TMTC2: variants seen among roughly 807,000 people sequenced by gnomAD.
TMTC2 encodes protein O-mannosyl-transferase TMTC2.
In TMTC2, 43 loss-of-function variants were observed where a neutral mutation model predicts 82.4. That is an observed-to-expected ratio of 0.52 (90% confidence interval 0.41 to 0.67). TMTC2 has a LOEUF of 0.67. Among genes scored for constraint, TMTC2 ranks in the 30% least tolerant of loss-of-function variants. The pLI is 0.00. For missense variants in TMTC2, 919 were observed against 1,012.4 expected (o/e 0.91, Z 1.25); for synonymous variants, 408 against 381.9 (o/e 1.07, Z -0.80).
chr12:82,985,251 C>T (rs1262329137), intron 7 of TMTC2, among the ~76,000 whole-genome samples: 4 of 151,922 alleles, frequency 2.6e-5, no homozygotes, highest in African/African-American at 9.7e-5. Flanking sequence ...GGAGTTTCAC[C>T]ATGTTGCCCA....
intron 11 of TMTC2, among the ~76,000 whole-genome samples, chr12:83,103,225 G>A (rs374856800): frequency 1.3e-5 from 2 of 152,302 alleles, no homozygotes; most frequent in African/African-American, 4.8e-5. Flanking sequence ...ATAACTTTGT[G>A]CCTGCACCAG....
chr12:82,742,007 A>G (rs1320026035), intron 1 of TMTC2, among the ~76,000 whole-genome samples: 1 of 152,172 alleles, frequency 6.6e-6, no homozygotes, highest in Non-Finnish European at 1.5e-5. Flanking sequence ...TCTCCCAGTC[A>G]TCATGTATAT....
chr12:82,786,724 T>C (rs756398842), intron 1 of TMTC2, among the ~76,000 whole-genome samples: 1 of 152,106 alleles, frequency 6.6e-6, no homozygotes, highest in Non-Finnish European at 1.5e-5. Flanking sequence ...CTGGCATCTT[T>C]GAAGAGAGTG....
chr12:83,011,807 C>A (rs1796198), intron 8 of TMTC2, among the ~76,000 whole-genome samples: 116,692 of 152,194 alleles, frequency 0.77, 46,260 homozygotes, highest in South Asian at 0.93. Flanking sequence ...CTTCTTATTG[C>A]ATATGAATAA....
intron 8 of TMTC2, among the ~76,000 whole-genome samples, chr12:83,017,139 A>C (rs912516425): frequency 6.6e-6 from 1 of 152,138 alleles, no homozygotes; most frequent in Non-Finnish European, 1.5e-5. Flanking sequence ...TCTCTTTGTT[A>C]AGAGTGTCTT....
intron 7 of TMTC2, among the ~76,000 whole-genome samples, chr12:82,980,629 T>G (rs1878876224): frequency 6.6e-6 from 1 of 151,736 alleles, no homozygotes; most frequent in Non-Finnish European, 1.5e-5. Context: ...TTATAATTTG[T>G]GTGAGTCCTT....
At chr12:82,774,377 T>C (rs1213756736) in intron 1 of TMTC2, among the ~76,000 whole-genome samples, 1 of 152,116 alleles carries the variant, frequency 6.6e-6, no homozygotes, top group African/African-American at 2.4e-5. Flanking sequence ...TCCCAGCACT[T>C]TGGGAGGCTG....
intron 8 of TMTC2, among the ~76,000 whole-genome samples, chr12:83,004,722 ATT>A (rs528076999): frequency 5.6e-5 from 2 of 36,032 alleles, no homozygotes; most frequent in East Asian, 1.3e-3. Context: ...TACTGGCCGA[ATT>A]TTTTTTTTTT....
At position 82,750,463 on chromosome 12, in the gene TMTC2, C is replaced by T. The variant is rs149232031; in HGVS notation, c.83+62794C>T. ...AATTGGCATTCTGCACTCTGTTCTC[C>T]GCACCCAGTACCTCCAGGGGATAGA... On this transcript the variant is annotated intron_variant, in intron 1 of 11. Transcript: ENST00000321196. Among the ~76,000 whole-genome samples, 383 of 152,106 alleles carry T rather than the reference C, an allele frequency of 2.5e-3. 2 individuals carry two copies. The highest frequency in any genetic ancestry group is 7.3e-3 in the African/African-American group (303 of 41,492).
chr12:83,003,856 T>C (rs1023342276), intron 8 of TMTC2, among the ~76,000 whole-genome samples: 3 of 152,158 alleles, frequency 2.0e-5, no homozygotes, highest in African/African-American at 7.2e-5. Context: ...GTGCTTATTT[T>C]TTATATTATC....
chr12:83,041,079 TG>T (rs111415346), intron 9 of TMTC2, among the ~76,000 whole-genome samples: 9,563 of 152,192 alleles, frequency 0.063, 334 homozygotes, highest in East Asian at 0.085. Flanking sequence ...CCCCTTTTTT[TG>T]TGTATGGAAA....
chr12:82,816,191 G>A, intron 1 of TMTC2, among the ~76,000 whole-genome samples: 1 of 149,366 alleles, frequency 6.7e-6, no homozygotes, highest in South Asian at 2.1e-4. Context: ...GAACAGTGAA[G>A]GTTCCTATTT....
At chr12:82,707,296 A>G (rs893054825) in intron 1 of TMTC2, among the ~76,000 whole-genome samples, 3 of 152,210 alleles carry the variant, frequency 2.0e-5, no homozygotes, top group African/African-American at 7.2e-5. Flanking sequence ...ATGAATCCCT[A>G]TAATGAGGAT....
chr12:83,132,446 C>T lies in TMTC2; in HGVS notation c.*57C>T. ...TTTAAAAGCTGGCTTCCTTAGCAGACAGAACTTCCCAGCAGTGCTATGACA... is the reference window on the plus strand; with the variant it reads ...TTTAAAAGCTGGCTTCCTTAGCAGATAGAACTTCCCAGCAGTGCTATGACA... On this transcript the variant is annotated 3_prime_UTR_variant, in exon 12 of 12. Transcript: ENST00000321196. The T allele has an allele frequency of 6.3e-7, 1 of 1,583,498 alleles. No homozygotes were observed. The highest frequency in any genetic ancestry group is 8.6e-7 in the Non-Finnish European group (1 of 1,160,584).
chr12:82,786,863 C>A (rs922731414), intron 1 of TMTC2, among the ~76,000 whole-genome samples: 2 of 152,128 alleles, frequency 1.3e-5, no homozygotes, highest in Non-Finnish European at 2.9e-5. Flanking sequence ...AACATTTTTA[C>A]TCCTCAGCTA....
At chr12:82,791,989 T>A (rs1351387881) in intron 1 of TMTC2, among the ~76,000 whole-genome samples, 1 of 152,192 alleles carries the variant, frequency 6.6e-6, no homozygotes. Flanking sequence ...CCCTGCCCCA[T>A]GCTTTGCTAA....
intron 11 of TMTC2, among the ~76,000 whole-genome samples, chr12:83,071,242 C>T (rs185203576): frequency 6.6e-6 from 1 of 151,204 alleles, no homozygotes; most frequent in East Asian, 2.0e-4. Flanking sequence ...GCAAGCTCCA[C>T]CTCCTGGGTT....
chr12:82,963,820 T>C lies in TMTC2; in HGVS notation c.1599-1204T>C, dbSNP rs867910029. On this transcript the variant is annotated intron_variant, in intron 4 of 11. Coordinates refer to ENST00000321196, the MANE Select transcript of TMTC2 (RefSeq NM_152588.3). ...ATATATATATATATATATATATATATATATATATATATATATATATATATA... is the reference window on the plus strand; with the variant it reads ...ATATATATATATATATATATATATACATATATATATATATATATATATATA... 3.0e-3 allele frequency among the ~76,000 whole-genome samples: 263 copies of C among 86,586 alleles called. 11 individuals carry two copies. The highest frequency in any genetic ancestry group is 0.02 in the Middle Eastern group (4 of 196). The allele number at this position is 86,586 out of a possible 152,430, so 56.8% of individuals were successfully genotyped here.
At chr12:83,042,764 G>A (rs1217056283) in intron 9 of TMTC2, among the ~76,000 whole-genome samples, 2 of 152,128 alleles carry the variant, frequency 1.3e-5, no homozygotes, top group East Asian at 1.9e-4. Flanking sequence ...AAACCTTCCT[G>A]ACCTCCTTTC....
Sources: gnomAD v4.1 joint callset for allele counts (sites outside exome capture counted in the v4.1 genomes callset) on GRCh38, gnomAD v4.1.1 for gene constraint, MANE v1.5 for transcripts, NCBI Gene and HGNC (gene_info 2026-07-23, HGNC 2026-07-21) for gene names.